LRRC37A2: variants seen among roughly 807,000 people sequenced by gnomAD.
LRRC37A2 encodes the protein leucine rich repeat containing 37 member A2.
Under a neutral mutation model 68.8 loss-of-function variants are expected in LRRC37A2, and 9 were observed. That is an observed-to-expected ratio of 0.13 (90% CI 0.08 to 0.23). The LOEUF is 0.23. LRRC37A2 is among the 10% of genes least tolerant of loss of function. The pLI, the probability that LRRC37A2 is intolerant of heterozygous loss-of-function variation, is 1.00. For missense variants in LRRC37A2, 168 were observed against 950.4 expected (o/e 0.18, Z 10.82); for synonymous variants, 63 against 367.6 (o/e 0.17, Z 9.48).
the LRRC37A2 span, among the ~76,000 whole-genome samples, chr17:46,750,150 C>G: frequency 6.6e-6 from 1 of 152,120 alleles, no homozygotes; most frequent in Non-Finnish European, 1.5e-5. Flanking sequence ...GTCAGGAGTT[C>G]GAGACCAGCC....
At chr17:46,985,130 G>A in the LRRC37A2 span, among the ~76,000 whole-genome samples, 1 of 152,186 alleles carries the variant, frequency 6.6e-6, no homozygotes, top group Admixed American at 6.5e-5. Flanking sequence ...ATCTGGTACG[G>A]AATTGAAATA....
chr17:46,844,305 C>CTTTTTTT, the LRRC37A2 span, among the ~76,000 whole-genome samples: 1 of 127,416 alleles, frequency 7.8e-6, no homozygotes, highest in African/African-American at 3.1e-5. Context: ...AGTTAGCCAC[C>CTTTTTTT]TTTTTTTTTT....
At chr17:46,872,687 A>C in the LRRC37A2 span, 1 of 1,612,620 alleles carries the variant, frequency 6.2e-7, no homozygotes, top group Non-Finnish European at 8.5e-7. Context: ...GATGCTGCGC[A>C]CCTCGGCCTG....
At chr17:46,814,792 C>G in the LRRC37A2 span, among the ~76,000 whole-genome samples, 2 of 152,202 alleles carry the variant, frequency 1.3e-5, no homozygotes, top group African/African-American at 4.8e-5. Context: ...TGTTCACAAG[C>G]CTCTGAAAGG....
chr17:47,006,567 G>A, the LRRC37A2 span, among the ~76,000 whole-genome samples: 10 of 152,134 alleles, frequency 6.6e-5, no homozygotes, highest in Non-Finnish European at 1.5e-4. Flanking sequence ...AGCAGAGATC[G>A]CACCACTGCA....
chr17:46,734,228 G>A, the LRRC37A2 span, among the ~76,000 whole-genome samples: 2 of 152,140 alleles, frequency 1.3e-5, no homozygotes, highest in Admixed American at 6.6e-5. Flanking sequence ...GCCTAAACAT[G>A]AGTATCTCTC....
chr17:46,978,601 G>A, the LRRC37A2 span: 2 of 1,539,974 alleles, frequency 1.3e-6, no homozygotes, highest in Non-Finnish European at 1.7e-6. Flanking sequence ...GGTCTCCGGG[G>A]TCCTTCTTGC....
chr17:46,900,202 T>TATATACACACACACAC, the LRRC37A2 span, among the ~76,000 whole-genome samples: 11 of 101,168 alleles, frequency 1.1e-4, 1 homozygote, highest in African/African-American at 5.6e-4. Flanking sequence ...TATATATATA[T>TATATACACACACACAC]ACACACACAC....
the LRRC37A2 span, among the ~76,000 whole-genome samples, chr17:46,734,907 C>T: frequency 2.0e-5 from 3 of 151,932 alleles, no homozygotes; most frequent in Admixed American, 6.6e-5. Flanking sequence ...AAAAGTTAGT[C>T]GAATGTGGTG....
At chr17:46,392,845 A>G in the LRRC37A2 span, among the ~76,000 whole-genome samples, 1 of 4,086 alleles carries the variant, frequency 2.4e-4, no homozygotes, top group Non-Finnish European at 7.6e-4. Context: ...CCTTGTTGGG[A>G]CAGGGGAGAG....
chr17:46,829,316 T>C, the LRRC37A2 span, among the ~76,000 whole-genome samples: 10 of 152,218 alleles, frequency 6.6e-5, no homozygotes, highest in African/African-American at 2.4e-4. Flanking sequence ...TACAGGCATG[T>C]GTCACTATGC....
At chr17:46,673,906 T>TGG in the LRRC37A2 span, among the ~76,000 whole-genome samples, 7 of 8,160 alleles carry the variant, frequency 8.6e-4, 3 homozygotes, top group African/African-American at 1.5e-3. Flanking sequence ...TAGTATTCCA[T>TGG]GGGGGTGTGT....
the LRRC37A2 span, among the ~76,000 whole-genome samples, chr17:46,879,947 G>T: frequency 6.6e-6 from 1 of 152,224 alleles, no homozygotes; most frequent in Non-Finnish European, 1.5e-5. Context: ...TGCCCAAGAA[G>T]CTTGGGCTAC....
chr17:47,028,054 T>C, the LRRC37A2 span, among the ~76,000 whole-genome samples: 2 of 152,212 alleles, frequency 1.3e-5, no homozygotes, highest in African/African-American at 4.8e-5. Context: ...TAAAGATCAC[T>C]TAACACAGGT....
chr17:46,819,837 G>T, the LRRC37A2 span, among the ~76,000 whole-genome samples: 1 of 152,236 alleles, frequency 6.6e-6, no homozygotes, highest in Admixed American at 6.5e-5. This position sits in a 1 kb window ranked among gnomAD's most constrained non-coding sequence, Gnocchi z 5.3. Context: ...TCTCAGCCCT[G>T]GGTGGTATTG....
At chr17:46,833,348 GA>G in the LRRC37A2 span, 1 of 518,228 alleles carries the variant, frequency 1.9e-6, no homozygotes, top group Non-Finnish European at 3.9e-6. Context: ...TCAATTGCAT[GA>G]AAGGACGGGC....
At chr17:46,828,275 C>T in the LRRC37A2 span, among the ~76,000 whole-genome samples, 2 of 152,088 alleles carry the variant, frequency 1.3e-5, no homozygotes, top group East Asian at 1.9e-4. Flanking sequence ...TGGCTCAGTG[C>T]GACCTCCATC....
At chr17:46,754,213 G>GA in the LRRC37A2 span, among the ~76,000 whole-genome samples, 1 of 148,792 alleles carries the variant, frequency 6.7e-6, no homozygotes, top group Admixed American at 6.7e-5. Context: ...TCCCAAAAAG[G>GA]AAAAATGTTT....
At chr17:47,044,631 G>A in the LRRC37A2 span, among the ~76,000 whole-genome samples, 1 of 144,874 alleles carries the variant, frequency 6.9e-6, no homozygotes, top group Non-Finnish European at 1.5e-5. Context: ...AGTTATACAG[G>A]TGTTCATTAT....
Sources: gnomAD v4.1 joint callset for allele counts (sites outside exome capture counted in the v4.1 genomes callset) on GRCh38, gnomAD v4.1.1 for gene constraint, Gnocchi (gnomAD v3.1) non-coding constraint, MANE v1.5 for transcripts, NCBI Gene and HGNC (gene_info 2026-07-23, HGNC 2026-07-21) for gene names.